The following MBNL1 variants were observed in gnomAD, a reference collection of about 807,000 sequenced individuals.
MBNL1 encodes muscleblind-like protein 1.
A neutral mutation model predicts 42.2 loss-of-function variants in MBNL1; 8 were observed. The ratio of observed to expected loss-of-function variants is 0.19; its 90% CI spans 0.11 to 0.34. MBNL1 has a LOEUF of 0.34. Ranked by LOEUF, MBNL1 falls within the 10% of genes least tolerant of loss-of-function variation. The probability of loss-of-function intolerance (pLI) is 1.00; values close to 1 mark genes in which losing one functional copy is unlikely to be tolerated. For synonymous variants in MBNL1, 169 were observed against 173.9 expected (o/e 0.97, Z 0.22); for missense variants, 309 against 495.3 (o/e 0.62, Z 3.57).
chr3:152,459,140 G>T, intron 8 of MBNL1, 131 bp from the exon 9 acceptor site: 3 of 467,386 alleles, frequency 6.4e-6, no homozygotes, highest in South Asian at 1.0e-4. Flanking sequence ...CTGTTATGTT[G>T]ACCAGATAAG....
chr3:152,289,554 C>G (rs1263301070), intron 1 of MBNL1, among the ~76,000 whole-genome samples: 2 of 151,364 alleles, frequency 1.3e-5, no homozygotes, highest in African/African-American at 4.8e-5. Context: ...AAACATTATT[C>G]TTGTTTGTGA....
rs994177410 is a variant in MBNL1 at position 152,299,602 on chromosome 3, T to G, written c.-592T>G. ...GTATCTGGCATTGCCCTAGGCTGCT[T>G]TAGTGTTAAAAGAAAAGTTTGCTGA... On this transcript the variant is annotated 5_prime_UTR_variant, in exon 2 of 10. Transcript: ENST00000324210. 12 of 397,992 alleles carry G rather than the reference T, an allele frequency of 3.0e-5. No homozygotes were observed. Among genetic ancestry groups the G allele is most frequent in the African/African-American group, 2.5e-4 (12 of 48,570 alleles). The allele number at this position is 397,992 out of a possible 1,614,324, so 24.7% of individuals were successfully genotyped here. A position where few individuals can be genotyped will look rare whatever the true frequency, so the allele number is the denominator to read the frequency against.
intron 3 of MBNL1, among the ~76,000 whole-genome samples, chr3:152,419,193 T>A (rs1198086780): frequency 1.3e-5 from 2 of 152,184 alleles, no homozygotes; most frequent in South Asian, 4.1e-4. Context: ...GATCTTTTTT[T>A]TTTAATCATA....
At chr3:152,441,030 C>A (rs1460762318) in intron 4 of MBNL1, among the ~76,000 whole-genome samples, 3 of 152,050 alleles carry the variant, frequency 2.0e-5, no homozygotes, top group Non-Finnish European at 4.4e-5. Context: ...GGACAAAGTC[C>A]CTGTTTCTTG....
intron 2 of MBNL1, among the ~76,000 whole-genome samples, chr3:152,400,102 G>C (rs1285765499): frequency 6.6e-6 from 1 of 152,116 alleles, no homozygotes; most frequent in African/African-American, 2.4e-5. Context: ...AGGCTAATAA[G>C]AATACCTCAT....
chr3:152,309,971 A>C (rs555632931), intron 2 of MBNL1, among the ~76,000 whole-genome samples: 9 of 152,230 alleles, frequency 5.9e-5, no homozygotes, highest in Admixed American at 2.6e-4. Flanking sequence ...CTTTAATTTT[A>C]AAATGTTCCA....
chr3:152,250,082 G>T (rs2034258405), intron 2 of MBNL1, among the ~76,000 whole-genome samples: 1 of 152,028 alleles, frequency 6.6e-6, no homozygotes, highest in Non-Finnish European at 1.5e-5. Flanking sequence ...TTTTGGCTTA[G>T]GATTTACTTG....
At chr3:152,433,721 G>A (rs929549751) in intron 4 of MBNL1, among the ~76,000 whole-genome samples, 18 of 144,368 alleles carry the variant, frequency 1.2e-4, no homozygotes, top group African/African-American at 4.8e-4. Context: ...CTGCACTCCA[G>A]CCTGGGCGAC....
intron 2 of MBNL1, among the ~76,000 whole-genome samples, chr3:152,385,934 T>G (rs1308250047): frequency 2.0e-5 from 3 of 152,072 alleles, no homozygotes; most frequent in Non-Finnish European, 4.4e-5. Context: ...CTATCCCATA[T>G]TAATCCCTTG....
rs150722251 is a variant in MBNL1, at chr3:152,451,695, C to A, written c.962-3847C>A. On this transcript the variant is annotated intron_variant, in intron 6 of 9. Coordinates refer to ENST00000324210, the MANE Select transcript of MBNL1 (RefSeq NM_021038.5). ...GGACACATACTGTACCCTTCAGTTC[C>A]AAACGCTACAATTCCCTATTGCCTT... Among the ~76,000 whole-genome samples the A allele has an allele frequency of 5.9e-5, 9 of 152,238 alleles. No individual in the cohort carries two copies. In the East Asian group the frequency reaches 1.7e-3, roughly 29 times the overall value.
At chr3:152,332,148 T>C (rs2085102627) in intron 2 of MBNL1, among the ~76,000 whole-genome samples, 1 of 152,224 alleles carries the variant, frequency 6.6e-6, no homozygotes, top group South Asian at 2.1e-4. Context: ...TATGTTTATT[T>C]AGATGACTGG....
At position 152,325,301 on chromosome 3, in the gene MBNL1, A is replaced by G. The variant is rs2079087395; in HGVS notation, c.174+24934A>G. ...TATGTAGTTTGGAGTATGAATCATA[A>G]TAATTATGTATCTTACTCCATCTCT... is the stretch of plus-strand genomic sequence containing the variant. On this transcript the variant is annotated intron_variant, in intron 2 of 9. Coordinates refer to ENST00000324210, the MANE Select transcript of MBNL1 (RefSeq NM_021038.5). Among the ~76,000 whole-genome samples, 3 of 152,110 alleles carry G rather than the reference A, an allele frequency of 2.0e-5. No homozygotes were observed. In the South Asian group the frequency reaches 6.2e-4, roughly 32 times the overall value.
chr3:152,258,329 T>C (rs2035736973), intron 2 of MBNL1, among the ~76,000 whole-genome samples: 1 of 152,196 alleles, frequency 6.6e-6, no homozygotes, highest in Admixed American at 6.5e-5. Context: ...AGGTAGACAT[T>C]TTAAGTTTGC....
intron 2 of MBNL1, among the ~76,000 whole-genome samples, chr3:152,347,089 A>G (rs2094386635): frequency 6.6e-6 from 1 of 152,084 alleles, no homozygotes; most frequent in Non-Finnish European, 1.5e-5. Flanking sequence ...GATTGAGCTC[A>G]TGCTTTTTAG....
At chr3:152,340,488 T>A in intron 2 of MBNL1, 3 of 1,539,374 alleles carry the variant, frequency 1.9e-6, no homozygotes, top group Non-Finnish European at 2.6e-6. Context: ...TAGACTTATT[T>A]CTCAGAGTAT....
chr3:152,314,094 CT>C (rs1448690798), intron 2 of MBNL1, among the ~76,000 whole-genome samples: 2 of 152,140 alleles, frequency 1.3e-5, no homozygotes, highest in African/African-American at 4.8e-5. Flanking sequence ...TAAGACTTTT[CT>C]AGAAATAAAA....
intron 2 of MBNL1, among the ~76,000 whole-genome samples, chr3:152,389,607 A>T (rs951822938): frequency 2.6e-5 from 4 of 152,164 alleles, no homozygotes; most frequent in African/African-American, 4.8e-5. Flanking sequence ...ATTGTATCTC[A>T]GTGGTATTTG....
intron 2 of MBNL1, among the ~76,000 whole-genome samples, chr3:152,320,468 G>A (rs2075774284): frequency 6.6e-6 from 1 of 152,080 alleles, no homozygotes; most frequent in Non-Finnish European, 1.5e-5. Context: ...TTCCTGATAT[G>A]ATAGCTGTAT....
At chr3:152,273,304 G>A (rs981203349) in intron 1 of MBNL1, among the ~76,000 whole-genome samples, 6 of 152,034 alleles carry the variant, frequency 3.9e-5, no homozygotes, top group South Asian at 2.1e-4. Flanking sequence ...CGGTTTTTAC[G>A]TAGTGTTTTT....
Sources: allele counts gnomAD v4.1 joint callset (sites outside exome capture counted in the v4.1 genomes callset), GRCh38; gene constraint gnomAD v4.1.1; transcripts MANE v1.5; gene names NCBI Gene and HGNC (gene_info 2026-07-23, HGNC 2026-07-21).